The following RAI1 variants were observed in gnomAD, a reference collection of about 807,000 sequenced individuals.
RAI1 encodes retinoic acid-induced protein 1.
Under a neutral mutation model 123.8 loss-of-function variants are expected in RAI1, and 9 were observed. The observed-to-expected ratio is 0.07, with a 90% CI of 0.04 to 0.13. The LOEUF (loss-of-function observed/expected upper bound fraction) is 0.13, where lower values mean the gene tolerates loss of function less well. Ranked by LOEUF, RAI1 falls within the 10% of genes least tolerant of loss-of-function variation. RAI1 has a pLI of 1.00. For missense variants in RAI1, 2,256 were observed against 2,545.8 expected, an observed-to-expected ratio of 0.89 and a Z score of 2.45; for synonymous variants, 1,231 against 1,127.3, an observed-to-expected ratio of 1.09 and a Z score of -1.84.
At position 17,796,973 on chromosome 17, in the gene RAI1, A is replaced by G. The variant is rs2032282585; in HGVS notation, c.4025A>G (p.Lys1342Arg). Residue 1342 changes from lysine (K) to arginine (R), a missense_variant, in exon 3 of 6, where the codon AAG (lysine) becomes AGG (arginine). Lys to Arg is a conservative substitution (Grantham distance 26). Transcript: ENST00000353383. This position sits in a 1 kb window ranked among gnomAD's most constrained non-coding sequence, Gnocchi z 5.8. ...CAGAAGATCACCTCGCCCAGCCTCAAGAAGTTCGCATGTAAAGCGCCAGGG... is the reference window on the plus strand; with the variant it reads ...CAGAAGATCACCTCGCCCAGCCTCAGGAAGTTCGCATGTAAAGCGCCAGGG... ...IVQKITSPSLKKFACKAPGAS... is the reference protein window; with the variant it reads ...IVQKITSPSLRKFACKAPGAS... 6.2e-7 allele frequency: 1 copy of G among 1,613,836 alleles called. No homozygotes were observed. The highest frequency in any genetic ancestry group is 8.5e-7 in the Non-Finnish European group (1 of 1,180,038).
intron 1 of RAI1, among the ~76,000 whole-genome samples, chr17:17,710,307 C>T (rs1915527298): frequency 6.6e-6 from 1 of 152,222 alleles, no homozygotes; most frequent in Non-Finnish European, 1.5e-5. Flanking sequence ...TACCCAGGAC[C>T]CCTTGTGGGA....
At chr17:17,695,652 G>C (rs1490701111) in intron 1 of RAI1, among the ~76,000 whole-genome samples, 1 of 151,878 alleles carries the variant, frequency 6.6e-6, no homozygotes, top group African/African-American at 2.4e-5. Context: ...TCAGCCTCCC[G>C]AGTAGCTGAG....
intron 2 of RAI1, among the ~76,000 whole-genome samples, chr17:17,766,927 G>A (rs1218650349): frequency 1.3e-5 from 2 of 151,932 alleles, no homozygotes; most frequent in African/African-American, 4.8e-5. Flanking sequence ...CCCATGGGTT[G>A]CGAGCAGGAG....
At position 17,809,512 on chromosome 17, in the gene RAI1, C is replaced by T; in HGVS notation, c.5709+73C>T. The stretch of plus-strand genomic sequence containing the variant: ...GGAGCCCCACCTCGCACCTCCTTCA[C>T]AGTCCCCTGGGCCCCCTTGGCTGCG... On this transcript the variant is annotated intron_variant, in intron 5 of 5. Coordinates refer to ENST00000353383, the MANE Select transcript of RAI1 (RefSeq NM_030665.4). This position sits in a 1 kb window ranked among gnomAD's most constrained non-coding sequence, Gnocchi z 4.9. The T allele has an allele frequency of 6.8e-7, 1 of 1,467,756 alleles. No homozygotes were observed. The highest frequency in any genetic ancestry group is 9.5e-7 in the Non-Finnish European group (1 of 1,050,438). The allele number at this position is 1,467,756 out of a possible 1,614,324, so 90.9% of individuals were successfully genotyped here.
At chr17:17,763,107 G>C (rs1322641522) in intron 2 of RAI1, among the ~76,000 whole-genome samples, 1 of 152,086 alleles carries the variant, frequency 6.6e-6, no homozygotes, top group Non-Finnish European at 1.5e-5. Context: ...TCTAAAACAG[G>C]TTAATTGGCA....
Position 17,693,874 on chromosome 17 carries a change from C to T in RAI1, c.-149+12081C>T, listed in dbSNP as rs1412119396. 2.6e-5 allele frequency among the ~76,000 whole-genome samples: 4 copies of T among 152,166 alleles called. No individual in the cohort carries two copies. The East Asian group carries it at 7.7e-4, about 29-fold the overall frequency. ...CCCGGGCTGGGCGGCCGGGAAGTAG[C>T]GAGTGCCACTACGTGTGGACAGGCA... On this transcript the variant is annotated intron_variant, in intron 1 of 5. Transcript: ENST00000353383.
chr17:17,722,256 G>T (rs566023413), intron 1 of RAI1, among the ~76,000 whole-genome samples: 2 of 152,320 alleles, frequency 1.3e-5, no homozygotes, highest in Admixed American at 1.3e-4. Flanking sequence ...TGGATGCAGC[G>T]ACGGATGGAT....
chr17:17,704,125 G>A (rs1436846226), intron 1 of RAI1, among the ~76,000 whole-genome samples: 1 of 152,238 alleles, frequency 6.6e-6, no homozygotes, highest in Non-Finnish European at 1.5e-5. Context: ...GGCTTGCCAG[G>A]AAAGTGGAGT....
Position 17,811,064 on chromosome 17 carries a change from G to A in RAI1, c.*1083G>A, listed in dbSNP as rs2032759435. 9 of 308,728 alleles carry A rather than the reference G, an allele frequency of 2.9e-5. No homozygotes were observed. The highest frequency in any genetic ancestry group is 1.6e-4 in the South Asian group (7 of 42,748). 19.1% of individuals were successfully genotyped at this position (308,728 alleles called of 1,614,324 possible). ...GCCACTTGTCCACGCAGCCACCACC[G>A]GCCCGGGCCAGTCCCTGCCAGTCCG... On this transcript the variant is annotated 3_prime_UTR_variant, in exon 6 of 6. Transcript: ENST00000353383.
intron 1 of RAI1, among the ~76,000 whole-genome samples, chr17:17,692,660 G>A (rs1288959525): frequency 1.3e-5 from 2 of 152,260 alleles, no homozygotes; most frequent in South Asian, 2.1e-4. Flanking sequence ...GACCTTGTGG[G>A]AAGTGAAGGC....
chr17:17,776,455 C>T (rs1207216381), intron 2 of RAI1, among the ~76,000 whole-genome samples: 1 of 152,060 alleles, frequency 6.6e-6, no homozygotes, highest in Non-Finnish European at 1.5e-5. Context: ...ACTGCAGCCT[C>T]CACCTCCTGA....
chr17:17,687,141 C>A (rs549944548), intron 1 of RAI1, among the ~76,000 whole-genome samples: 1 of 152,158 alleles, frequency 6.6e-6, no homozygotes, highest in African/African-American at 2.4e-5. Context: ...CACCACCACG[C>A]CCGGCTAGTT....
rs772773012 is a variant in RAI1 at position 17,795,387 on chromosome 17, G to A, written c.2439G>A (p.Glu813=). 3 of 1,593,516 alleles carry A rather than the reference G, an allele frequency of 1.9e-6. No individual in the cohort carries two copies. Among genetic ancestry groups the A allele is most frequent in the South Asian group, 2.3e-5 (2 of 88,120 alleles). The change falls in exon 3 of 6, where the codon GAG becomes GAA. Residue 813 remains glutamate, a synonymous_variant. Coordinates refer to ENST00000353383, the MANE Select transcript of RAI1 (RefSeq NM_030665.4). This position sits in a 1 kb window ranked among gnomAD's most constrained non-coding sequence, Gnocchi z 5.9. ...CGTTGCCCGGGGACTTCAAGCAGGA[G>A]GAGGTGGGTGGGGTGAAGGAGGAGG... ...VASLPGDFKQ[E]EVGGVKEEAG...
chr17:17,741,146 CACTTAAGCGCACACGTACACGCACGCCTT>C (rs1916621893), intron 2 of RAI1, among the ~76,000 whole-genome samples: 1 of 151,700 alleles, frequency 6.6e-6, no homozygotes, highest in South Asian at 2.1e-4. Context: ...CACACTCACA[CACTTAAGCGCACACGTACACGCACGCCTT>C]TCTTTCCGTC....
intron 2 of RAI1, among the ~76,000 whole-genome samples, chr17:17,786,987 G>A (rs867681303): frequency 6.6e-6 from 1 of 152,230 alleles, no homozygotes; most frequent in Non-Finnish European, 1.5e-5. Context: ...GTTGTGGTGA[G>A]CCCAGATCGC....
chr17:17,747,779 G>T (rs1392478201), intron 2 of RAI1, among the ~76,000 whole-genome samples: 2 of 152,176 alleles, frequency 1.3e-5, no homozygotes, highest in Non-Finnish European at 2.9e-5. Context: ...AAAAGGGCCA[G>T]TCTGGCTGGG....
chr17:17,693,150 A>G (rs547743560), intron 1 of RAI1, among the ~76,000 whole-genome samples: 45 of 152,304 alleles, frequency 3.0e-4, no homozygotes, highest in African/African-American at 9.9e-4. Flanking sequence ...GTGGGCACTG[A>G]GGGCATCCAC....
chr17:17,734,702 G>C (rs969775802), intron 2 of RAI1, among the ~76,000 whole-genome samples: 5 of 152,228 alleles, frequency 3.3e-5, no homozygotes, highest in African/African-American at 1.2e-4. Flanking sequence ...TCCTATGTGC[G>C]GGTCAGAGCG....
At chr17:17,715,606 C>A (rs1282962535) in intron 1 of RAI1, among the ~76,000 whole-genome samples, 1 of 152,164 alleles carries the variant, frequency 6.6e-6, no homozygotes, top group East Asian at 1.9e-4. Flanking sequence ...TCCCCCGGCC[C>A]CTTCCATTCA....
Sources: allele counts gnomAD v4.1 joint callset (sites outside exome capture counted in the v4.1 genomes callset), GRCh38; gene constraint gnomAD v4.1.1; non-coding constraint Gnocchi (gnomAD v3.1); transcripts MANE v1.5; gene names NCBI Gene and HGNC (gene_info 2026-07-23, HGNC 2026-07-21).